The following DZIP1L variants were observed in gnomAD, a reference collection of about 807,000 sequenced individuals.
DZIP1L encodes cilium assembly protein DZIP1L.
A neutral mutation model predicts 88.7 loss-of-function variants in DZIP1L; 90 were observed. The observed-to-expected ratio is 1.02, with a 90% CI of 0.86 to 1.21. DZIP1L has a LOEUF of 1.21. DZIP1L is among the 50% of genes most tolerant of loss of function. The pLI, the probability that DZIP1L is intolerant of heterozygous loss-of-function variation, is 0.00. For missense variants in DZIP1L, 932 were observed against 955.8 expected (o/e 0.98, Z 0.33); for synonymous variants, 363 against 372.1 (o/e 0.98, Z 0.28).
chr3:138,084,115 T>A lies in DZIP1L; in HGVS notation c.1201A>T (p.Met401Leu). 7 of 1,613,544 alleles carry A rather than the reference T, an allele frequency of 4.3e-6. No individual in the cohort carries two copies. Among genetic ancestry groups the A allele is most frequent in the Non-Finnish European group, 5.9e-6 (7 of 1,179,730 alleles). ...QARIIASQEE[M>L]IQSLSLRKVE... ...GCTGAAAGGAAGGGCAGACCTACCA[T>A]CTCCTCCTGGGAGGCAATGATCCTA... Residue 401 changes from methionine to leucine, a missense_variant and splice_region_variant, in exon 8 of 16, where the codon ATG becomes TTG. Physicochemically the swap from Met to Leu is conservative, Grantham distance 15. Coordinates refer to ENST00000327532, the MANE Select transcript of DZIP1L (RefSeq NM_173543.3).
intron 14 of DZIP1L, among the ~76,000 whole-genome samples, chr3:138,066,843 G>A (rs562779480): frequency 1.3e-5 from 2 of 152,042 alleles, no homozygotes; most frequent in South Asian, 4.2e-4. Flanking sequence ...CAAGCAGAGG[G>A]GTGGGCCTAC....
chr3:138,103,335 GA>G lies in DZIP1L; in HGVS notation c.501+135del. 3 of 979,600 alleles carry G rather than the reference GA, an allele frequency of 3.1e-6. 1 individual carries two copies. In the South Asian group the frequency reaches 4.9e-5, roughly 16 times the overall value. The allele number at this position is 979,600 out of a possible 1,614,324, so 60.7% of individuals were successfully genotyped here. A position where few individuals can be genotyped will look rare whatever the true frequency, so the allele number is the denominator to read the frequency against. Reference sequence around the variant, plus strand: ...CTCTCTGGCCATGAGCAGCATCTCTGAAATCTGCTCCTAACCAGTGAGAACA... The same window carrying G: ...CTCTCTGGCCATGAGCAGCATCTCTGAATCTGCTCCTAACCAGTGAGAACA... On this transcript the variant is annotated intron_variant, in intron 2 of 15. Coordinates refer to ENST00000327532, the MANE Select transcript of DZIP1L (RefSeq NM_173543.3).
At chr3:138,091,415 C>A (rs1157144226) in intron 5 of DZIP1L, among the ~76,000 whole-genome samples, 2 of 151,030 alleles carry the variant, frequency 1.3e-5, no homozygotes, top group Non-Finnish European at 3.0e-5. Context: ...GTCAGAAGTT[C>A]AAGACAAGCC....
At chr3:138,081,466 C>G (rs1365612118) in intron 9 of DZIP1L, among the ~76,000 whole-genome samples, 1 of 152,194 alleles carries the variant, frequency 6.6e-6, no homozygotes, top group Non-Finnish European at 1.5e-5. Context: ...CATGAGCCCC[C>G]ACTCCACCCA....
At chr3:138,109,659 C>T (rs1182161612) in intron 1 of DZIP1L, among the ~76,000 whole-genome samples, 2 of 152,176 alleles carry the variant, frequency 1.3e-5, no homozygotes, top group East Asian at 3.9e-4. Context: ...TACATGCACA[C>T]ATATATTTAT....
intron 1 of DZIP1L, among the ~76,000 whole-genome samples, chr3:138,104,634 C>T (rs1343981760): frequency 6.6e-6 from 1 of 152,178 alleles, no homozygotes; most frequent in East Asian, 1.9e-4. Context: ...CCAGCAATAA[C>T]GTGTGATCAT....
chr3:138,101,487 C>T (rs1255861276), intron 2 of DZIP1L: 1 of 775,628 alleles, frequency 1.3e-6, no homozygotes, highest in African/African-American at 1.7e-5. Flanking sequence ...TTCACTTGGG[C>T]AGGACGTCAG....
At chr3:138,101,769 G>C in intron 2 of DZIP1L, 1 of 1,055,390 alleles carries the variant, frequency 9.5e-7, no homozygotes, top group South Asian at 1.3e-5. Flanking sequence ...TATAGGTGGC[G>C]ATCTTGATGT....
At position 138,067,649 on chromosome 3, in the gene DZIP1L, A is replaced by T; in HGVS notation, c.1884T>A (p.Arg628=). 1 of 1,609,222 alleles carries T rather than the reference A, an allele frequency of 6.2e-7. No individual in the cohort carries two copies. Among genetic ancestry groups the T allele is most frequent in the Non-Finnish European group, 8.5e-7 (1 of 1,177,808 alleles). ...EEDSEGDRVQ[R]VSLQPPKVPS... ...GAACTTTTGGGGGCTGTAGAGACAC[A>T]CGCTGCACACGGTCTCCCTCTGAGT... The change falls in exon 14 of 16, where the codon CGT becomes CGA. Residue 628 remains arginine (R), a synonymous_variant. Coordinates refer to ENST00000327532, the MANE Select transcript of DZIP1L (RefSeq NM_173543.3).
chr3:138,093,504 A>T (rs934501722), intron 4 of DZIP1L, among the ~76,000 whole-genome samples: 2 of 152,228 alleles, frequency 1.3e-5, no homozygotes, highest in African/African-American at 4.8e-5. Flanking sequence ...AAAGAGAATC[A>T]TCCTGTTCTT....
At chr3:138,069,011 A>G in intron 12 of DZIP1L, 1 of 1,271,472 alleles carries the variant, frequency 7.9e-7, no homozygotes, top group Non-Finnish European at 1.0e-6. Context: ...AGTTTCTTAC[A>G]GTAATTCAAG....
chr3:138,068,444 T>A, intron 12 of DZIP1L, 77 bp from the exon 13 acceptor site: 1 of 1,089,364 alleles, frequency 9.2e-7, no homozygotes, highest in Non-Finnish European at 1.3e-6. Flanking sequence ...AGAAAGTGGC[T>A]CCAACACCCT....
At chr3:138,094,280 T>C (rs1361488637) in intron 4 of DZIP1L, among the ~76,000 whole-genome samples, 4 of 152,242 alleles carry the variant, frequency 2.6e-5, no homozygotes, top group Admixed American at 2.6e-4. Flanking sequence ...ATGATGCTGA[T>C]AAACTTGCTC....
At chr3:138,094,578 G>A (rs1295625988) in intron 4 of DZIP1L, among the ~76,000 whole-genome samples, 3 of 152,362 alleles carry the variant, frequency 2.0e-5, no homozygotes, top group South Asian at 2.1e-4. Context: ...CATTGTGTAC[G>A]AAGCTAAAAT....
At chr3:138,106,392 C>T (rs2042491042) in intron 1 of DZIP1L, among the ~76,000 whole-genome samples, 1 of 151,242 alleles carries the variant, frequency 6.6e-6, no homozygotes, top group South Asian at 2.1e-4. Flanking sequence ...CCCGCCTCAG[C>T]CTCCCAAAGA....
intron 14 of DZIP1L, among the ~76,000 whole-genome samples, chr3:138,065,115 CT>C (rs1485884220): frequency 1.3e-5 from 2 of 152,188 alleles, no homozygotes; most frequent in Non-Finnish European, 2.9e-5. Context: ...TCCTCAACAT[CT>C]TTATACAGAG....
intron 13 of DZIP1L, 31 bp downstream of exon 13, chr3:138,068,120 G>A: frequency 3.4e-6 from 5 of 1,455,724 alleles, no homozygotes; most frequent in Non-Finnish European, 4.5e-6. Flanking sequence ...ACCACTGCAG[G>A]TGGGGTGAGA....
In DZIP1L at chr3:138,064,725, A is replaced by G. The variant is rs1472123809; in HGVS notation, c.2045T>C (p.Leu682Pro). 6.2e-7 allele frequency: 1 copy of G among 1,605,484 alleles called. No individual in the cohort carries two copies. Among genetic ancestry groups the G allele is most frequent in the Admixed American group, 1.7e-5 (1 of 58,012 alleles). Reference protein sequence around the residue: ...QSMVKNLEKQLEAPAKKPAGG... With the variant: ...QSMVKNLEKQPEAPAKKPAGG... The stretch of plus-strand genomic sequence containing the variant: ...AGCAGGCTTCTTTGCTGGAGCTTCT[A>G]GCTGCTTCTCCAGGTTTTTGACCAT... The change falls in exon 15 of 16, where the codon CTA becomes CCA. Residue 682 changes from leucine to proline, a missense_variant. Coordinates refer to ENST00000327532, the MANE Select transcript of DZIP1L (RefSeq NM_173543.3).
intron 2 of DZIP1L, chr3:138,102,197 C>T (rs2107841321): frequency 3.6e-6 from 5 of 1,377,038 alleles, no homozygotes; most frequent in Non-Finnish European, 5.1e-6. Flanking sequence ...CAGGCGTGTC[C>T]GAGATCTGGG....
Sources: allele counts gnomAD v4.1 joint callset (sites outside exome capture counted in the v4.1 genomes callset), GRCh38; gene constraint gnomAD v4.1.1; transcripts MANE v1.5; gene names NCBI Gene and HGNC (gene_info 2026-07-23, HGNC 2026-07-21).